Variants in RGS7 observed in about 807,000 individuals in gnomAD.
RGS7 encodes regulator of G-protein signaling 7.
RGS7 carries 27 observed loss-of-function variants against 81.1 expected under a neutral mutation model. That is an observed-to-expected ratio of 0.33 (90% CI 0.25 to 0.46). The LOEUF is 0.46. RGS7 is among the 20% of genes least tolerant of loss of function. The pLI is 1.00. For synonymous variants in RGS7, 208 were observed against 207.7 expected (o/e 1.00, Z -0.01); for missense variants, 396 against 607.4 (o/e 0.65, Z 3.66).
chr1:240,785,049 C>T (rs1419766401), intron 18 of RGS7, among the ~76,000 whole-genome samples: 1 of 152,144 alleles, frequency 6.6e-6, no homozygotes, highest in African/African-American at 2.4e-5. Flanking sequence ...AATGCCTTTT[C>T]CACTTATTGA....
intron 3 of RGS7, chr1:240,998,582 C>T: frequency 1.2e-6 from 1 of 832,782 alleles, no homozygotes; most frequent in Non-Finnish European, 2.0e-6. Context: ...ATAGAGCCAG[C>T]TGCTGGACCA....
rs546066971 is a variant in RGS7 at position 241,134,935 on chromosome 1, CGGCCGGAAGACACCTACCCT to C, written c.79-36193_79-36174del. On this transcript the variant is annotated intron_variant, in intron 2 of 18. Transcript: ENST00000440928. ...ACAGCCGGCCGGAAGACACCTACCC[CGGCCGGAAGACACCTACCCT>C]GGCCGGAAGACACCTACCTCTGAAG... is the stretch of plus-strand genomic sequence containing the variant. Among the ~76,000 whole-genome samples the C allele has an allele frequency of 4.8e-3, 734 of 152,036 alleles. 11 individuals carry two copies. The East Asian group carries it at 0.058, about 12-fold the overall frequency.
chr1:241,196,380 A>G (rs1301106879), intron 2 of RGS7, among the ~76,000 whole-genome samples: 2 of 150,936 alleles, frequency 1.3e-5, no homozygotes, highest in African/African-American at 5.0e-5. Context: ...GTACTAAAAA[A>G]TGTGTAAAAA....
chr1:241,340,836 A>AGG (rs1160560544), intron 2 of RGS7, among the ~76,000 whole-genome samples: 1 of 152,212 alleles, frequency 6.6e-6, no homozygotes, highest in African/African-American at 2.4e-5. Flanking sequence ...AAGAAAGTAA[A>AGG]GGAGAGAGAG....
intron 9 of RGS7, among the ~76,000 whole-genome samples, chr1:240,827,864 C>CAAAA (rs57562408): frequency 3.6e-4 from 19 of 52,848 alleles, no homozygotes; most frequent in East Asian, 1.6e-3. Flanking sequence ...AACTCCATTG[C>CAAAA]AAAAAAAAAA....
At chr1:240,853,577 G>A (rs1660478859) in intron 9 of RGS7, among the ~76,000 whole-genome samples, 3 of 151,970 alleles carry the variant, frequency 2.0e-5, no homozygotes, top group Non-Finnish European at 2.9e-5. Flanking sequence ...CTGATAAAAG[G>A]CAGCAGTCAT....
At chr1:240,983,929 C>A (rs1685290721) in intron 3 of RGS7, among the ~76,000 whole-genome samples, 1 of 152,144 alleles carries the variant, frequency 6.6e-6, no homozygotes, top group South Asian at 2.1e-4. Context: ...ACAGAAGAGA[C>A]AAGAGAGGTC....
Position 241,259,663 on chromosome 1 carries a change from A to ATAT in RGS7, c.78+96035_78+96036insATA, listed in dbSNP as rs1169852432. On this transcript the variant is annotated intron_variant, in intron 2 of 18. Transcript: ENST00000440928. ...GAAACTCCGTCTCAAAAAAAAAAAA[A>ATAT]AAAAATATATATATATATATATAAT... Among the ~76,000 whole-genome samples the ATAT allele has an allele frequency of 2.1e-4, 15 of 70,366 alleles. No individual in the cohort carries two copies. The East Asian group carries it at 4.7e-3, about 22-fold the overall frequency. The allele number at this position is 70,366 out of a possible 152,430, so 46.2% of individuals were successfully genotyped here. A position where few individuals can be genotyped will look rare whatever the true frequency, so the allele number is the denominator to read the frequency against.
chr1:241,222,391 A>G (rs2075065460), intron 2 of RGS7, among the ~76,000 whole-genome samples: 1 of 152,216 alleles, frequency 6.6e-6, no homozygotes, highest in Non-Finnish European at 1.5e-5. Context: ...TGGAATTTCT[A>G]AATTCTCTCC....
chr1:241,238,968 T>TC (rs1558224470), intron 2 of RGS7, among the ~76,000 whole-genome samples: 2,904 of 15,910 alleles, frequency 0.18, 57 homozygotes, highest in African/African-American at 0.3. Context: ...CTCTCTCTCT[T>TC]TTTTTTTTTT....
intron 6 of RGS7, among the ~76,000 whole-genome samples, chr1:240,927,278 G>C (rs1466163941): frequency 6.6e-6 from 1 of 152,168 alleles, no homozygotes; most frequent in Non-Finnish European, 1.5e-5. Context: ...TGTTGGCCAG[G>C]ATGGTCTTGA....
chr1:240,943,856 C>T (rs1326637955), intron 4 of RGS7, among the ~76,000 whole-genome samples: 1 of 152,032 alleles, frequency 6.6e-6, no homozygotes, highest in Admixed American at 6.6e-5. Context: ...CTGAACCTGA[C>T]AGTAGAAGAA....
chr1:240,835,285 C>G (rs1009361211), intron 9 of RGS7, among the ~76,000 whole-genome samples: 6 of 152,180 alleles, frequency 3.9e-5, no homozygotes, highest in African/African-American at 1.4e-4. Context: ...GACAGATGAT[C>G]TGAACAGGCA....
chr1:240,938,834 G>A (rs1323969845), intron 4 of RGS7, among the ~76,000 whole-genome samples: 1 of 152,096 alleles, frequency 6.6e-6, no homozygotes, highest in Admixed American at 6.6e-5. Context: ...GTGTGTGTGT[G>A]TGTGTGTGTG....
At chr1:241,012,575 C>A (rs545973147) in intron 3 of RGS7, among the ~76,000 whole-genome samples, 3 of 152,154 alleles carry the variant, frequency 2.0e-5, no homozygotes, top group Non-Finnish European at 2.9e-5. Context: ...TGAGGACATT[C>A]GGGTCAGTTA....
At chr1:240,795,617 T>C (rs1686922288) in intron 18 of RGS7, among the ~76,000 whole-genome samples, 1 of 152,208 alleles carries the variant, frequency 6.6e-6, no homozygotes, top group African/African-American at 2.4e-5. Context: ...TACTTTGACC[T>C]ATAAAAGCAA....
intron 2 of RGS7, among the ~76,000 whole-genome samples, chr1:241,118,981 T>C (rs1382891871): frequency 2.0e-5 from 3 of 152,058 alleles, no homozygotes; most frequent in African/African-American, 7.2e-5. Flanking sequence ...CCTACTTTCA[T>C]CAGTATGCAA....
chr1:241,187,224 T>A (rs1289924216), intron 2 of RGS7, among the ~76,000 whole-genome samples: 1 of 152,144 alleles, frequency 6.6e-6, no homozygotes, highest in Non-Finnish European at 1.5e-5. Flanking sequence ...ACATAAAATC[T>A]CAATTTAGGC....
intron 3 of RGS7, among the ~76,000 whole-genome samples, chr1:240,994,724 G>C (rs1007801761): frequency 6.6e-6 from 1 of 151,774 alleles, no homozygotes; most frequent in Admixed American, 6.6e-5. Context: ...TCCTCACCTT[G>C]TTCTCAATTT....
Sources: allele counts gnomAD v4.1 joint callset (sites outside exome capture counted in the v4.1 genomes callset), GRCh38; gene constraint gnomAD v4.1.1; transcripts MANE v1.5; gene names NCBI Gene and HGNC (gene_info 2026-07-23, HGNC 2026-07-21).